Variants in LRRC27 observed in about 807,000 individuals in gnomAD.
The protein encoded by LRRC27 is leucine-rich repeat-containing protein 27.
Under a neutral mutation model 55.0 loss-of-function variants are expected in LRRC27, and 57 were observed. The ratio of observed to expected loss-of-function variants is 1.04; its 90% confidence interval spans 0.84 to 1.29. LRRC27 has a LOEUF of 1.29. Ranked by LOEUF, LRRC27 falls within the 50% of genes most tolerant of loss-of-function variation. LRRC27 has a pLI of 0.00. For synonymous variants in LRRC27, 278 were observed against 251.9 expected (o/e 1.10, Z -0.98); for missense variants, 721 against 651.5 (o/e 1.11, Z -1.16).
intron 10 of LRRC27, chr10:132,366,953 G>GC: frequency 7.8e-7 from 1 of 1,280,794 alleles, no homozygotes; most frequent in Non-Finnish European, 1.0e-6. Context: ...TTCCTCCTCA[G>GC]CCCAAGGAGT....
chr10:132,354,238 C>G (rs761765200), intron 7 of LRRC27, among the ~76,000 whole-genome samples: 5 of 152,238 alleles, frequency 3.3e-5, no homozygotes, highest in African/African-American at 7.2e-5. Flanking sequence ...CAAGTGAACT[C>G]TTTCTTCTTT....
Position 132,365,523 on chromosome 10 carries a change from G to A in LRRC27, c.1389G>A (p.Met463Ile). Residue 463 changes from methionine to isoleucine, a missense_variant, in exon 10 of 11, where the codon ATG becomes ATA. Met to Ile is a conservative substitution (Grantham distance 10). Transcript: ENST00000368614. ...ATGGCCAGGCCCCACTGGAGGAGAT[G>A]AGGAAGGCTGCCGAGGATCTGGAAA... ...RFHGQAPLEE[M>I]RKAAEDLEIA... is the part of the protein sequence containing the mutation. 1 of 1,613,630 alleles carries A rather than the reference G, an allele frequency of 6.2e-7. No individual in the cohort carries two copies. Among genetic ancestry groups the A allele is most frequent in the Middle Eastern group, 1.6e-4 (1 of 6,062 alleles).
At position 132,348,855 on chromosome 10, in the gene LRRC27, C is replaced by T; in HGVS notation, c.926+499C>T. 2.8e-6 allele frequency: 2 copies of T among 722,804 alleles called. No individual in the cohort carries two copies. The highest frequency in any genetic ancestry group is 1.7e-5 in the South Asian group (1 of 58,924). 44.8% of individuals were successfully genotyped at this position (722,804 alleles called of 1,614,324 possible). On this transcript the variant is annotated intron_variant, in intron 6 of 10. Transcript: ENST00000368614. The surrounding 1 kb of genome is among the most constrained non-coding windows in gnomAD (Gnocchi z 4.2). ...TATGCAGAAAATAAATGGCAGCTGC[C>T]TGGGGACAAAAGGAAGGCAGTCATT...
At chr10:132,364,638 TAAC>T (rs1564854375) in intron 9 of LRRC27, among the ~76,000 whole-genome samples, 1 of 28,320 alleles carries the variant, frequency 3.5e-5, no homozygotes, top group Non-Finnish European at 7.6e-5. Context: ...CGCCCACACT[TAAC>T]ACCCACCCAC....
At chr10:132,343,150 A>C (rs1054359887) in intron 4 of LRRC27, among the ~76,000 whole-genome samples, 39 of 152,172 alleles carry the variant, frequency 2.6e-4, no homozygotes, top group Admixed American at 1.3e-4. Context: ...TCTACAAAAA[A>C]TAAAATAAAA....
chr10:132,365,472 C>G lies in LRRC27; in HGVS notation c.1338C>G (p.Leu446=). The change falls in exon 10 of 11, where the codon CTC becomes CTG. Residue 446 remains leucine, a synonymous_variant. Transcript: ENST00000368614. ...NLEEKIKQHV[L]QMREQRRFHG... is the part of the protein sequence containing the mutation. ...AAGAGAAGATAAAACAGCACGTCCT[C>G]CAAATGCGTGAGCAAAGAAGATTCC... The G allele has an allele frequency of 6.2e-7, 1 of 1,613,680 alleles. No homozygotes were observed. The highest frequency in any genetic ancestry group is 8.5e-7 in the Non-Finnish European group (1 of 1,179,984).
At position 132,372,930 on chromosome 10, in the gene LRRC27, C is replaced by A. The variant is rs1030565064; in HGVS notation, c.1417-2136C>A. Reference sequence around the variant, plus strand: ...CAGCCTCGTTCCAGGGCCTCAGTCACGAGAGGTTCCTCAGCTGTTGAGGGA... The same window carrying A: ...CAGCCTCGTTCCAGGGCCTCAGTCAAGAGAGGTTCCTCAGCTGTTGAGGGA... On this transcript the variant is annotated intron_variant, in intron 10 of 10. Coordinates refer to ENST00000368614, the MANE Select transcript of LRRC27 (RefSeq NM_030626.3). The surrounding 1 kb of genome is among the most constrained non-coding windows in gnomAD (Gnocchi z 4.0). 6.6e-6 allele frequency among the ~76,000 whole-genome samples: 1 copy of A among 152,076 alleles called. No homozygotes were observed. Among genetic ancestry groups the A allele is most frequent in the Non-Finnish European group, 1.5e-5 (1 of 68,016 alleles).
At position 132,379,982 on chromosome 10, in the gene LRRC27, T is replaced by C. The variant is rs1049661258; in HGVS notation, c.*4740T>C. On this transcript the variant is annotated 3_prime_UTR_variant, in exon 11 of 11. Coordinates refer to ENST00000368614, the MANE Select transcript of LRRC27 (RefSeq NM_030626.3). Reference sequence around the variant, plus strand: ...CAGACCATACATGGACCATTCACAGTAGAGAGAAATGTCGCCGTAAAGATG... The same window carrying C: ...CAGACCATACATGGACCATTCACAGCAGAGAGAAATGTCGCCGTAAAGATG... 1 of 152,086 alleles carries C rather than the reference T, an allele frequency of 6.6e-6. No homozygotes were observed. Among genetic ancestry groups the C allele is most frequent in the African/African-American group, 2.4e-5 (1 of 41,392 alleles). 9.4% of individuals were successfully genotyped at this position (152,086 alleles called of 1,614,324 possible). A position where few individuals can be genotyped will look rare whatever the true frequency, so the allele number is the denominator to read the frequency against.
intron 5 of LRRC27, among the ~76,000 whole-genome samples, chr10:132,346,894 A>T (rs2067726965): frequency 6.6e-6 from 1 of 152,228 alleles, no homozygotes; most frequent in Non-Finnish European, 1.5e-5. Context: ...TTCAAACCTA[A>T]GACCCTGAGC....
At chr10:132,356,862 G>T (rs1478570094) in intron 8 of LRRC27, among the ~76,000 whole-genome samples, 1 of 152,268 alleles carries the variant, frequency 6.6e-6, no homozygotes, top group Non-Finnish European at 1.5e-5. Flanking sequence ...GTTGAATTTG[G>T]TCATAGATGT....
Position 132,348,361 on chromosome 10 carries a change from A to T in LRRC27, c.926+5A>T, listed in dbSNP as rs770247346. ...AAAGCCAAGACACGTTTTCAGGTAA[A>T]ACTGAAAAGCAACGGGGGATTTTCT... On this transcript the variant is annotated splice_donor_5th_base_variant and intron_variant, in intron 6 of 10. Coordinates refer to ENST00000368614, the MANE Select transcript of LRRC27 (RefSeq NM_030626.3). The surrounding 1 kb of genome is among the most constrained non-coding windows in gnomAD (Gnocchi z 4.2). The T allele has an allele frequency of 6.2e-7, 1 of 1,601,554 alleles. No individual in the cohort carries two copies. Among genetic ancestry groups the T allele is most frequent in the South Asian group, 1.1e-5 (1 of 90,362 alleles).
At chr10:132,331,331 G>T, upstream of LRRC27, 1 of 1,131,798 alleles carries the variant, frequency 8.8e-7, no homozygotes, top group Non-Finnish European at 1.2e-6. Context: ...GAATGAAGGT[G>T]CACGGGACTC....
At chr10:132,371,814 C>T (rs553183213) in intron 10 of LRRC27, among the ~76,000 whole-genome samples, 1 of 152,362 alleles carries the variant, frequency 6.6e-6, no homozygotes, top group South Asian at 2.1e-4. Flanking sequence ...CCTCAGCCCT[C>T]AGGTGGAGGC....
intron 8 of LRRC27, among the ~76,000 whole-genome samples, chr10:132,359,864 G>C (rs148868467): frequency 1.3e-5 from 2 of 152,154 alleles, no homozygotes; most frequent in Non-Finnish European, 2.9e-5. Flanking sequence ...AAACCCTGGC[G>C]CAAAGCCCAT....
chr10:132,353,839 G>A (rs918634351), intron 7 of LRRC27, among the ~76,000 whole-genome samples: 2 of 152,204 alleles, frequency 1.3e-5, no homozygotes, highest in Non-Finnish European at 2.9e-5. Context: ...GACCGGCCCC[G>A]CCTGTCAAGC....
In LRRC27 at chr10:132,380,852, C is replaced by T. The variant is rs573689047; in HGVS notation, c.*5610C>T. Among the ~76,000 whole-genome samples the T allele has an allele frequency of 5.3e-5, 8 of 152,316 alleles. No individual in the cohort carries two copies. The highest frequency in any genetic ancestry group is 1.9e-4 in the African/African-American group (8 of 41,560). On this transcript the variant is annotated 3_prime_UTR_variant, in exon 11 of 11. Coordinates refer to ENST00000368614, the MANE Select transcript of LRRC27 (RefSeq NM_030626.3). Reference sequence around the variant, plus strand: ...ATGTTCCGTAGATTGAGGTTTACAGCTGCGGTTGCCTACCAATTCAAGATA... The same window carrying T: ...ATGTTCCGTAGATTGAGGTTTACAGTTGCGGTTGCCTACCAATTCAAGATA...
At chr10:132,355,768 C>G (rs537315006) in intron 7 of LRRC27, 22 bp from the exon 8 acceptor site, 2 of 1,522,028 alleles carry the variant, frequency 1.3e-6, no homozygotes, top group African/African-American at 1.4e-5. Flanking sequence ...TAACTTATGA[C>G]ATTAACCTTC....
intron 3 of LRRC27, among the ~76,000 whole-genome samples, chr10:132,341,222 T>C (rs375146774): frequency 3.0e-4 from 39 of 128,322 alleles, no homozygotes; most frequent in South Asian, 1.3e-3. Flanking sequence ...AGTCTCAGCT[T>C]AGCCAGGCAT....
At chr10:132,364,188 A>G (rs1224226053) in intron 9 of LRRC27, among the ~76,000 whole-genome samples, 1 of 151,642 alleles carries the variant, frequency 6.6e-6, no homozygotes. Context: ...TTCCATAGTT[A>G]CTCTGAAAAG....
Sources: gnomAD v4.1 joint callset for allele counts (sites outside exome capture counted in the v4.1 genomes callset) on GRCh38, gnomAD v4.1.1 for gene constraint, Gnocchi (gnomAD v3.1) non-coding constraint, MANE v1.5 for transcripts, NCBI Gene and HGNC (gene_info 2026-07-23, HGNC 2026-07-21) for gene names.